The following ZNF804B variants were observed in gnomAD, a reference collection of about 807,000 sequenced individuals.
ZNF804B encodes zinc finger 804B.
Under a neutral mutation model 101.4 loss-of-function variants are expected in ZNF804B, and 80 were observed. The observed-to-expected ratio is 0.79, with a 90% CI of 0.66 to 0.95. ZNF804B has a LOEUF of 0.95. Ranked by LOEUF, ZNF804B falls within the 40% of genes least tolerant of loss-of-function variation. The pLI is 0.00. For missense variants in ZNF804B, 1,673 were observed against 1,561.9 expected, an observed-to-expected ratio of 1.07 and a Z score of -1.20; for synonymous variants, 622 against 558.8, an observed-to-expected ratio of 1.11 and a Z score of -1.59.
chr7:89,276,957 GTA>G (rs1453322613), intron 2 of ZNF804B, among the ~76,000 whole-genome samples: 2 of 151,434 alleles, frequency 1.3e-5, no homozygotes, highest in African/African-American at 4.9e-5. Context: ...GTGTTTTAGT[GTA>G]TATGTTTGTG....
chr7:89,239,676 G>C (rs978086657), intron 2 of ZNF804B, among the ~76,000 whole-genome samples: 1 of 151,852 alleles, frequency 6.6e-6, no homozygotes, highest in East Asian at 1.9e-4. Flanking sequence ...TATCTATGAG[G>C]GTTCCCATAT....
chr7:89,175,335 C>G (rs1373122757), intron 1 of ZNF804B, among the ~76,000 whole-genome samples: 1 of 151,972 alleles, frequency 6.6e-6, no homozygotes, highest in Admixed American at 6.6e-5. Context: ...GAAGACTGTC[C>G]TTTCCCTAAT....
chr7:89,182,586 C>T (rs1391304402), intron 1 of ZNF804B, among the ~76,000 whole-genome samples: 3 of 152,066 alleles, frequency 2.0e-5, no homozygotes, highest in East Asian at 1.9e-4. Context: ...TTCTTGATGA[C>T]CTTGTACAAA....
intron 2 of ZNF804B, among the ~76,000 whole-genome samples, chr7:89,306,396 TA>T (rs1295937792): frequency 5.3e-5 from 8 of 152,112 alleles, no homozygotes; most frequent in Non-Finnish European, 8.8e-5. Context: ...CTGCTCTTAT[TA>T]AAACTCAACA....
At chr7:88,830,224 T>G (rs1468378133) in intron 1 of ZNF804B, among the ~76,000 whole-genome samples, 1 of 152,114 alleles carries the variant, frequency 6.6e-6, no homozygotes, top group Non-Finnish European at 1.5e-5. Context: ...GAACTCAAAT[T>G]ATGTAATTAA....
chr7:88,928,899 A>G (rs1792844009), intron 1 of ZNF804B, among the ~76,000 whole-genome samples: 1 of 152,034 alleles, frequency 6.6e-6, no homozygotes, highest in South Asian at 2.1e-4. Flanking sequence ...CTTCTAGCTA[A>G]TTCTTTTTAG....
rs549410243 is a variant in ZNF804B, at chr7:89,155,454, T to A, written c.109-62701T>A. 2.0e-5 allele frequency among the ~76,000 whole-genome samples: 3 copies of A among 152,296 alleles called. No individual in the cohort carries two copies. In the East Asian group the frequency reaches 5.8e-4, roughly 29 times the overall value. On this transcript the variant is annotated intron_variant, in intron 1 of 3. Transcript: ENST00000333190. ...CTTACCATCTCTCTCACCTGGATAATTGCAATGGACTCCTACCTGGTCTCT... is the reference window on the plus strand; with the variant it reads ...CTTACCATCTCTCTCACCTGGATAAATGCAATGGACTCCTACCTGGTCTCT...
chr7:89,214,634 A>C (rs2115687025), intron 1 of ZNF804B, among the ~76,000 whole-genome samples: 1 of 152,300 alleles, frequency 6.6e-6, no homozygotes, highest in Middle Eastern at 3.4e-3. Context: ...GCTATGTGAG[A>C]GAGACATTAA....
intron 1 of ZNF804B, among the ~76,000 whole-genome samples, chr7:89,028,652 C>A (rs1788785476): frequency 6.6e-6 from 1 of 152,092 alleles, no homozygotes; most frequent in African/African-American, 2.4e-5. Context: ...AGTAAGCGTG[C>A]CATAAATGTT....
intron 1 of ZNF804B, among the ~76,000 whole-genome samples, chr7:89,151,411 T>C (rs1405351078): frequency 6.6e-6 from 1 of 152,078 alleles, no homozygotes; most frequent in East Asian, 1.9e-4. Flanking sequence ...TTGAGACATA[T>C]TGTACAATCT....
chr7:89,057,490 A>T (rs560706980), intron 1 of ZNF804B, among the ~76,000 whole-genome samples: 7 of 113,650 alleles, frequency 6.2e-5, no homozygotes, highest in African/African-American at 2.7e-4. Context: ...GAAAGCAAGG[A>T]AAAACCCTCT....
chr7:88,764,198 C>T (rs1789945471), intron 1 of ZNF804B, among the ~76,000 whole-genome samples: 1 of 152,034 alleles, frequency 6.6e-6, no homozygotes. Flanking sequence ...TTCGGGATAC[C>T]TATTGATTAC....
intron 2 of ZNF804B, among the ~76,000 whole-genome samples, chr7:89,254,702 G>A (rs573974583): frequency 1.5e-4 from 22 of 151,410 alleles, no homozygotes; most frequent in African/African-American, 4.8e-4. Flanking sequence ...CTGGAGTGTG[G>A]TGGCACAATC....
At chr7:88,763,873 T>A (rs985911534) in intron 1 of ZNF804B, among the ~76,000 whole-genome samples, 1 of 152,148 alleles carries the variant, frequency 6.6e-6, no homozygotes, top group African/African-American at 2.4e-5. Flanking sequence ...ATGGTAAAAC[T>A]TTGTTTTAAT....
intron 2 of ZNF804B, among the ~76,000 whole-genome samples, chr7:89,325,550 A>G (rs1026997720): frequency 1.5e-4 from 23 of 152,074 alleles, no homozygotes; most frequent in Non-Finnish European, 3.4e-4. Context: ...TAAACAATAC[A>G]GAATTCTCAA....
At chr7:88,900,555 A>G (rs1400032887) in intron 1 of ZNF804B, among the ~76,000 whole-genome samples, 1 of 147,786 alleles carries the variant, frequency 6.8e-6, no homozygotes, top group Non-Finnish European at 1.5e-5. Flanking sequence ...ACATTGGTCA[A>G]GCATCTAGTA....
intron 1 of ZNF804B, among the ~76,000 whole-genome samples, chr7:89,159,898 G>A (rs551831446): frequency 6.6e-6 from 1 of 152,092 alleles, no homozygotes; most frequent in Non-Finnish European, 1.5e-5. Flanking sequence ...CTTTGTACAA[G>A]GCCACTGGAA....
intron 2 of ZNF804B, among the ~76,000 whole-genome samples, chr7:89,279,442 G>T (rs1790045127): frequency 6.6e-6 from 1 of 150,450 alleles, no homozygotes. Flanking sequence ...TTTTCAAAGG[G>T]AATGCTTCCA....
chr7:89,192,397 C>T (rs552629227), intron 1 of ZNF804B, among the ~76,000 whole-genome samples: 1 of 151,234 alleles, frequency 6.6e-6, no homozygotes, highest in Non-Finnish European at 1.5e-5. Flanking sequence ...TATGTCCATA[C>T]AATAGAATGC....
Sources: gnomAD v4.1 joint callset for allele counts (sites outside exome capture counted in the v4.1 genomes callset) on GRCh38, gnomAD v4.1.1 for gene constraint, MANE v1.5 for transcripts, NCBI Gene and HGNC (gene_info 2026-07-23, HGNC 2026-07-21) for gene names.